Variants in AGAP1 observed in about 807,000 individuals in gnomAD.
AGAP1 encodes ArfGAP with GTPase domain, ankyrin repeat and PH domain 1.
In AGAP1, 29 loss-of-function variants were observed where a neutral mutation model predicts 105.3. The ratio of observed to expected loss-of-function variants is 0.28; its 90% CI spans 0.21 to 0.38. The LOEUF is 0.38. Among genes scored for constraint, AGAP1 ranks in the 10% least tolerant of loss-of-function variants. The pLI is 1.00. For synonymous variants in AGAP1, 509 were observed against 485.9 expected, an observed-to-expected ratio of 1.05 and a Z score of -0.63; for missense variants, 998 against 1,165.1, an observed-to-expected ratio of 0.86 and a Z score of 2.09.
In AGAP1 at chr2:236,095,343, G is replaced by A. The variant is rs1445594116; in HGVS notation, c.2115-24849G>A. Among the ~76,000 whole-genome samples the A allele has an allele frequency of 1.3e-5, 2 of 152,116 alleles. No individual in the cohort carries two copies. The highest frequency in any genetic ancestry group is 1.5e-5 in the Non-Finnish European group (1 of 68,022). ...GCCCAGGAAGTCAAGGCTGCAGTGA[G>A]CCATGATCATGCCACTGCATTCCAG... On this transcript the variant is annotated intron_variant, in intron 16 of 17. Transcript: ENST00000304032. The surrounding 1 kb of genome is among the most constrained non-coding windows in gnomAD (Gnocchi z 4.1).
At chr2:235,562,923 G>C (rs868436488) in intron 1 of AGAP1, among the ~76,000 whole-genome samples, 1 of 152,038 alleles carries the variant, frequency 6.6e-6, no homozygotes, top group Non-Finnish European at 1.5e-5. Flanking sequence ...TAGCCCGGCC[G>C]GTGGTGTGCG....
rs576362659 is a variant in AGAP1 at position 235,754,440 on chromosome 2, A to C, written c.673+3952A>C. On this transcript the variant is annotated intron_variant, in intron 6 of 17. Coordinates refer to ENST00000304032, the MANE Select transcript of AGAP1 (RefSeq NM_001037131.3). This position sits in a 1 kb window ranked among gnomAD's most constrained non-coding sequence, Gnocchi z 4.6. ...TGGCTTGTAAATAAAAAAAAAAAAAAAATCCAGCTGCTTCCATTGCCCTGC... is the reference window on the plus strand; with the variant it reads ...TGGCTTGTAAATAAAAAAAAAAAAACAATCCAGCTGCTTCCATTGCCCTGC... Among the ~76,000 whole-genome samples the C allele has an allele frequency of 0.021, 3,171 of 152,240 alleles. 96 individuals are homozygous for C. The highest frequency in any genetic ancestry group is 0.066 in the African/African-American group (2,721 of 41,528).
intron 3 of AGAP1, among the ~76,000 whole-genome samples, chr2:235,730,959 A>G (rs968578040): frequency 3.3e-5 from 5 of 152,064 alleles, no homozygotes; most frequent in African/African-American, 1.2e-4. Context: ...GCCTGCCTGC[A>G]GCTTACCCCC....
At chr2:235,863,140 G>C (rs1053705405) in intron 9 of AGAP1, among the ~76,000 whole-genome samples, 1 of 152,150 alleles carries the variant, frequency 6.6e-6, no homozygotes, top group Non-Finnish European at 1.5e-5. Context: ...TATTTGCCAG[G>C]TTATGGGCAA....
rs986536770 is a variant in AGAP1, at chr2:235,733,177, A to AG, written c.311-7784dup. 3.3e-5 allele frequency among the ~76,000 whole-genome samples: 5 copies of AG among 152,138 alleles called. No homozygotes were observed. The highest frequency in any genetic ancestry group is 1.2e-4 in the African/African-American group (5 of 41,430). ...GAGGAATATATCATTGTTCCCCTTGAGGTGCCCCCCTGCGTGGGTCACTTC... is the reference window on the plus strand; with the variant it reads ...GAGGAATATATCATTGTTCCCCTTGAGGGTGCCCCCCTGCGTGGGTCACTTC... On this transcript the variant is annotated intron_variant, in intron 3 of 17. Transcript: ENST00000304032. This position sits in a 1 kb window ranked among gnomAD's most constrained non-coding sequence, Gnocchi z 5.0.
Position 235,867,536 on chromosome 2 carries a change from A to AGTGTGTGTGTGTGTGT in AGAP1, c.1051-15785_1051-15770dup, listed in dbSNP as rs61257818. ...ATCATACACCTTATGCTGGTGCTGC[A>AGTGTGTGTGTGTGTGT]GTGTGTGTGTGTGTGTGTGTGTGTG... On this transcript the variant is annotated intron_variant, in intron 9 of 17. Coordinates refer to ENST00000304032, the MANE Select transcript of AGAP1 (RefSeq NM_001037131.3). This position sits in a 1 kb window ranked among gnomAD's most constrained non-coding sequence, Gnocchi z 5.4. 0.01 allele frequency among the ~76,000 whole-genome samples: 1,294 copies of AGTGTGTGTGTGTGTGT among 123,292 alleles called. 14 individuals carry two copies. Among genetic ancestry groups the AGTGTGTGTGTGTGTGT allele is most frequent in the African/African-American group, 0.019 (669 of 35,100 alleles). 80.9% of individuals were successfully genotyped at this position (123,292 alleles called of 152,430 possible).
At chr2:235,834,710 G>T (rs1959912160) in intron 9 of AGAP1, among the ~76,000 whole-genome samples, 1 of 152,170 alleles carries the variant, frequency 6.6e-6, no homozygotes, top group Non-Finnish European at 1.5e-5. Context: ...ATAGGAAAAT[G>T]CCATTTAAAT....
intron 10 of AGAP1, among the ~76,000 whole-genome samples, chr2:235,898,590 A>C (rs2050919866): frequency 1.3e-5 from 2 of 150,866 alleles, no homozygotes; most frequent in African/African-American, 2.4e-5. Flanking sequence ...CCTTTAGCCC[A>C]AGAAATTGCC....
intron 16 of AGAP1, among the ~76,000 whole-genome samples, chr2:236,086,541 G>A (rs921829655): frequency 6.6e-6 from 1 of 152,202 alleles, no homozygotes; most frequent in African/African-American, 2.4e-5. Flanking sequence ...TTTGATTGCA[G>A]GTAACATAGT....
chr2:235,930,368 G>T lies in AGAP1; in HGVS notation c.1325-397G>T, dbSNP rs1199327756. Among the ~76,000 whole-genome samples, 1 of 152,188 alleles carries T rather than the reference G, an allele frequency of 6.6e-6. No individual in the cohort carries two copies. The highest frequency in any genetic ancestry group is 2.4e-5 in the African/African-American group (1 of 41,440). ...TGGGTGATCATTTTCTGTTCCATTGGTAGGGTGACATGGCCGGGCTCCTGG... is the reference window on the plus strand; with the variant it reads ...TGGGTGATCATTTTCTGTTCCATTGTTAGGGTGACATGGCCGGGCTCCTGG... On this transcript the variant is annotated intron_variant, in intron 11 of 17. Transcript: ENST00000304032. This position sits in a 1 kb window ranked among gnomAD's most constrained non-coding sequence, Gnocchi z 7.9.
rs193256346 is a variant in AGAP1, at chr2:235,907,076, G to T, written c.1156-1662G>T. Among the ~76,000 whole-genome samples the T allele has an allele frequency of 2.2e-3, 339 of 152,244 alleles. 5 individuals carry two copies. Among genetic ancestry groups the T allele is most frequent in the Admixed American group, 0.02 (305 of 15,290 alleles). ...GTTTCCTGGAAGCCACTGGGATCTC[G>T]CTTTGGCCTCTCTGCTACCCTACCC... On this transcript the variant is annotated intron_variant, in intron 10 of 17. Coordinates refer to ENST00000304032, the MANE Select transcript of AGAP1 (RefSeq NM_001037131.3).
chr2:235,540,078 G>A (rs1190999179), intron 1 of AGAP1, among the ~76,000 whole-genome samples: 1 of 151,950 alleles, frequency 6.6e-6, no homozygotes, highest in East Asian at 1.9e-4. Flanking sequence ...GACAGTGGCA[G>A]GTGGGGACAC....
intron 11 of AGAP1, among the ~76,000 whole-genome samples, chr2:235,918,251 C>A (rs2051999038): frequency 6.6e-6 from 1 of 152,322 alleles, no homozygotes; most frequent in East Asian, 1.9e-4. Flanking sequence ...CTTGGTAGAC[C>A]ATTTGCAAAT....
intron 6 of AGAP1, among the ~76,000 whole-genome samples, chr2:235,784,654 C>A (rs1464551222): frequency 6.8e-6 from 1 of 147,950 alleles, no homozygotes; most frequent in African/African-American, 2.5e-5. Flanking sequence ...CTTAACTCTT[C>A]AGTAGCCATG....
At chr2:235,509,639 A>G (rs983205761) in intron 1 of AGAP1, among the ~76,000 whole-genome samples, 1 of 151,626 alleles carries the variant, frequency 6.6e-6, no homozygotes, top group African/African-American at 2.4e-5. Flanking sequence ...CCATTCCCCG[A>G]CCCCAACACT....
intron 12 of AGAP1, among the ~76,000 whole-genome samples, chr2:235,946,392 A>G (rs1318307534): frequency 6.8e-6 from 1 of 147,694 alleles, no homozygotes; most frequent in Non-Finnish European, 1.5e-5. Flanking sequence ...TTCAAGCAAT[A>G]CTCCTGACCT....
At position 235,867,574 on chromosome 2, in the gene AGAP1, T is replaced by TGTGTGTGTGTGTGC. The variant is rs1380487646; in HGVS notation, c.1051-15770_1051-15769insTGTGTGTGTGTGCG. On this transcript the variant is annotated intron_variant, in intron 9 of 17. Transcript: ENST00000304032. This position sits in a 1 kb window ranked among gnomAD's most constrained non-coding sequence, Gnocchi z 5.4. ...GTGTGTGTGTGTGTGTGTGTGTGTG[T>TGTGTGTGTGTGTGC]GCAAGTGAGGGAGGGTGACCCCCAC... Among the ~76,000 whole-genome samples, 33 of 147,700 alleles carry TGTGTGTGTGTGTGC rather than the reference T, an allele frequency of 2.2e-4. No individual in the cohort carries two copies. Among genetic ancestry groups the TGTGTGTGTGTGTGC allele is most frequent in the African/African-American group, 7.4e-4 (30 of 40,432 alleles).
rs1950501937 is a variant in AGAP1 at position 235,705,693 on chromosome 2, C to CT, written c.164-3481dup. ...TTGATGAAAGTTTTTAAAATAAATA[C>CT]TTTTTAATGGGAGATGAAGAGTTTT... On this transcript the variant is annotated intron_variant, in intron 1 of 17. Coordinates refer to ENST00000304032, the MANE Select transcript of AGAP1 (RefSeq NM_001037131.3). The surrounding 1 kb of genome is among the most constrained non-coding windows in gnomAD (Gnocchi z 4.9). Among the ~76,000 whole-genome samples the CT allele has an allele frequency of 6.6e-6, 1 of 152,162 alleles. No homozygotes were observed. Among genetic ancestry groups the CT allele is most frequent in the Non-Finnish European group, 1.5e-5 (1 of 68,026 alleles).
At chr2:235,815,690 T>A (rs76628895) in intron 9 of AGAP1, among the ~76,000 whole-genome samples, 5,739 of 152,226 alleles carry the variant, frequency 0.038, 124 homozygotes, top group Non-Finnish European at 0.057. Flanking sequence ...AAAGAAAAAC[T>A]TACTTGAAGA....
Sources: gnomAD v4.1 joint callset for allele counts (sites outside exome capture counted in the v4.1 genomes callset) on GRCh38, gnomAD v4.1.1 for gene constraint, Gnocchi (gnomAD v3.1) non-coding constraint, MANE v1.5 for transcripts, NCBI Gene and HGNC (gene_info 2026-07-23, HGNC 2026-07-21) for gene names.